Variants in G3BP1 observed in about 807,000 individuals in gnomAD.
G3BP1 encodes the protein ras GTPase-activating protein-binding protein 1.
G3BP1 carries 35 observed loss-of-function variants against 58.6 expected under a neutral mutation model. The observed-to-expected ratio is 0.60, with a 90% CI of 0.46 to 0.79. The LOEUF is 0.79. G3BP1 is among the 30% of genes least tolerant of loss of function. The probability of loss-of-function intolerance (pLI) is 0.00; values close to 1 mark genes in which losing one functional copy is unlikely to be tolerated. For missense variants in G3BP1, 523 were observed against 580.8 expected (o/e 0.90, Z 1.02); for synonymous variants, 191 against 195.4 (o/e 0.98, Z 0.19).
In G3BP1 at chr5:151,807,451, T is replaced by C. The variant is rs545046625; in HGVS notation, c.*3360T>C. 1 of 152,346 alleles carries C rather than the reference T, an allele frequency of 6.6e-6. No homozygotes were observed. The highest frequency in any genetic ancestry group is 2.1e-4 in the South Asian group (1 of 4,832). The allele number at this position is 152,346 out of a possible 1,614,324, so 9.4% of individuals were successfully genotyped here. A position where few individuals can be genotyped will look rare whatever the true frequency, so the allele number is the denominator to read the frequency against. On this transcript the variant is annotated 3_prime_UTR_variant, in exon 12 of 12. Transcript: ENST00000356245. Reference sequence around the variant, plus strand: ...GAATACATTCAGAACAAGGTTAACATTACAGTTCTTAATTTCCTTTAGGGC... The same window carrying C: ...GAATACATTCAGAACAAGGTTAACACTACAGTTCTTAATTTCCTTTAGGGC...
intron 11 of G3BP1, among the ~76,000 whole-genome samples, chr5:151,803,580 C>G (rs1762892854): frequency 6.6e-6 from 1 of 152,232 alleles, no homozygotes; most frequent in African/African-American, 2.4e-5. Flanking sequence ...GCAACCTCCG[C>G]CTCCTGGGTT....
At chr5:151,800,648 T>C in intron 10 of G3BP1, 112 bp from the exon 11 acceptor site, 1 of 719,228 alleles carries the variant, frequency 1.4e-6, no homozygotes. Context: ...ATATTTATAA[T>C]TCAAGTGCTC....
chr5:151,790,414 T>G lies in G3BP1; in HGVS notation c.177+10T>G. ...AGTCTACGGACAGAAAGTAAGCATT[T>G]CAAGCCTTATTTAGGCTGTTAAGCA... On this transcript the variant is annotated intron_variant, in intron 3 of 11. Transcript: ENST00000356245. The G allele has an allele frequency of 6.6e-7, 1 of 1,512,606 alleles. No individual in the cohort carries two copies. The highest frequency in any genetic ancestry group is 1.4e-5 in the African/African-American group (1 of 71,292). 93.7% of individuals were successfully genotyped at this position (1,512,606 alleles called of 1,614,324 possible).
chr5:151,791,915 C>G (rs948312787), intron 4 of G3BP1: 2 of 347,684 alleles, frequency 5.8e-6, no homozygotes, highest in Admixed American at 3.9e-5. Context: ...CCTCAGCCTC[C>G]GAAAGTGGGA....
At chr5:151,788,572 ATGTGTGTGTGTGTGTGTG>A (rs10634385) in intron 2 of G3BP1, among the ~76,000 whole-genome samples, 5 of 133,238 alleles carry the variant, frequency 3.8e-5, no homozygotes, top group Admixed American at 7.6e-5. Flanking sequence ...CTAAGTTTAT[ATGTGTGTGTGTGTGTGTG>A]TGTGTGTGTG....
rs747239907 is a variant in G3BP1 at position 151,806,265 on chromosome 5, ATC to A, written c.*2176_*2177del. 2.0e-5 allele frequency: 3 copies of A among 152,228 alleles called. No individual in the cohort carries two copies. The highest frequency in any genetic ancestry group is 1.3e-4 in the Admixed American group (2 of 15,290). 9.4% of individuals were successfully genotyped at this position (152,228 alleles called of 1,614,324 possible). A position where few individuals can be genotyped will look rare whatever the true frequency, so the allele number is the denominator to read the frequency against. ...ATAAATAACAAACTAGGAAATGGAAATCTGTTTCAAGAATTGCAGTAACATCT... is the reference window on the plus strand; with the variant it reads ...ATAAATAACAAACTAGGAAATGGAAATGTTTCAAGAATTGCAGTAACATCT... On this transcript the variant is annotated 3_prime_UTR_variant, in exon 12 of 12. Transcript: ENST00000356245.
At chr5:151,803,496 T>C (rs954899693) in intron 11 of G3BP1, among the ~76,000 whole-genome samples, 1 of 151,932 alleles carries the variant, frequency 6.6e-6, no homozygotes, top group African/African-American at 2.4e-5. Flanking sequence ...AATCTGCTGG[T>C]TCTTTTTTTT....
At chr5:151,781,967 A>G (rs1031940482) in intron 1 of G3BP1, among the ~76,000 whole-genome samples, 3 of 152,038 alleles carry the variant, frequency 2.0e-5, no homozygotes, top group Non-Finnish European at 4.4e-5. Context: ...CAAAAGGTAG[A>G]TACAGTTTTA....
chr5:151,800,134 G>A (rs1762826820), intron 9 of G3BP1, 84 bp from the exon 10 acceptor site: 1 of 1,371,060 alleles, frequency 7.3e-7, no homozygotes, highest in African/African-American at 1.4e-5. Flanking sequence ...TTTTAGTGTA[G>A]AGGGAAAACT....
intron 1 of G3BP1, among the ~76,000 whole-genome samples, chr5:151,783,681 A>ATT (rs1444190813): frequency 6.8e-6 from 1 of 147,182 alleles, no homozygotes; most frequent in African/African-American, 2.5e-5. Context: ...GCCAGCCCCA[A>ATT]TTTTTTTTTT....
chr5:151,790,376 A>T lies in G3BP1; in HGVS notation c.149A>T (p.Lys50Met). 6.3e-7 allele frequency: 1 copy of T among 1,586,312 alleles called. No homozygotes were observed. Among genetic ancestry groups the T allele is most frequent in the Middle Eastern group, 1.7e-4 (1 of 5,984 alleles). ...CATGGGGGATTGGATTCAAATGGAA[A>T]GCCAGCAGATGCAGTCTACGGACAG... is the stretch of plus-strand genomic sequence containing the variant. ...YVHGGLDSNG[K>M]PADAVYGQKE... The change falls in exon 3 of 12, where the codon AAG (lysine) becomes ATG (methionine). Residue 50 changes from lysine (K) to methionine (M), a missense_variant. Physicochemically the swap from Lys to Met is moderately conservative, Grantham distance 95. This residue lies in a region of G3BP1 where 398 missense variants were observed against 399.1 expected (regional missense o/e 1.00). Transcript: ENST00000356245.
chr5:151,783,424 G>A (rs1017070719), intron 1 of G3BP1, among the ~76,000 whole-genome samples: 1 of 91,638 alleles, frequency 1.1e-5, no homozygotes, highest in Non-Finnish European at 2.3e-5. Flanking sequence ...TTTTTTTTTT[G>A]TAAGGCAGAG....
Position 151,799,965 on chromosome 5 carries a change from G to T in G3BP1, c.920G>T (p.Arg307Leu). Residue 307 changes from arginine (R) to leucine (L), a missense_variant, in exon 9 of 12, where the codon CGA becomes CTA. Physicochemically the swap from Arg to Leu is moderately radical, Grantham distance 102. Around this residue, in one of 2 missense-constraint regions of G3BP1, gnomAD observed 398 missense variants for 399.1 expected, o/e 1.00. Transcript: ENST00000356245. The stretch of plus-strand genomic sequence containing the variant: ...CGGGATCAAAGAGTGCGAGAACAAC[G>T]AATAAATATTCCTCCCCAAAGGGGA... ...PQRDQRVREQ[R>L]INIPPQRGPR... 2 of 1,611,780 alleles carry T rather than the reference G, an allele frequency of 1.2e-6. No individual in the cohort carries two copies. Among genetic ancestry groups the T allele is most frequent in the South Asian group, 1.1e-5 (1 of 90,998 alleles).
chr5:151,812,366 A>G lies in G3BP1; in HGVS notation c.*8275A>G, dbSNP rs1561540794. On this transcript the variant is annotated 3_prime_UTR_variant, in exon 12 of 12. Transcript: ENST00000356245. ...TTTTACCCCTTGTGTGTCATGATAC[A>G]TTTAAGTTGGTAGCTACATTTTTGG... 1 of 152,224 alleles carries G rather than the reference A, an allele frequency of 6.6e-6. No homozygotes were observed. Among genetic ancestry groups the G allele is most frequent in the Non-Finnish European group, 1.5e-5 (1 of 68,040 alleles). 9.4% of individuals were successfully genotyped at this position (152,224 alleles called of 1,614,324 possible).
rs1174815475 is a variant in G3BP1, at chr5:151,805,638, G to T, written c.*1547G>T. ...GACCACAGTGAAGTTGGTATTACCA[G>T]TTTGGTTCCAGTTCCTCAAATATTT... On this transcript the variant is annotated 3_prime_UTR_variant, in exon 12 of 12. Transcript: ENST00000356245. The T allele has an allele frequency of 6.6e-6, 1 of 152,208 alleles. No homozygotes were observed. Among genetic ancestry groups the T allele is most frequent in the Non-Finnish European group, 1.5e-5 (1 of 68,026 alleles). 9.4% of individuals were successfully genotyped at this position (152,208 alleles called of 1,614,324 possible). A position where few individuals can be genotyped will look rare whatever the true frequency, so the allele number is the denominator to read the frequency against.
In G3BP1 at chr5:151,807,641, T is replaced by C. The variant is rs143097629; in HGVS notation, c.*3550T>C. ...GAATAATAATATTTTTATTATAGTA[T>C]AATCCAGGTGAGTTTATAGAATTTG... is the stretch of plus-strand genomic sequence containing the variant. On this transcript the variant is annotated 3_prime_UTR_variant, in exon 12 of 12. Transcript: ENST00000356245. 6.6e-6 allele frequency: 1 copy of C among 152,358 alleles called. No individual in the cohort carries two copies. The highest frequency in any genetic ancestry group is 1.9e-4 in the East Asian group (1 of 5,196). 9.4% of individuals were successfully genotyped at this position (152,358 alleles called of 1,614,324 possible).
In G3BP1 at chr5:151,812,283, C is replaced by T. The variant is rs1166275727; in HGVS notation, c.*8192C>T. ...TTAAGGTAACTTCTTGAATAATGTA[C>T]TAATGAACGATAGTGTTTCAGGAAA... On this transcript the variant is annotated 3_prime_UTR_variant, in exon 12 of 12. Coordinates refer to ENST00000356245, the MANE Select transcript of G3BP1 (RefSeq NM_005754.3). The T allele has an allele frequency of 1.3e-5, 2 of 152,136 alleles. No homozygotes were observed. Among genetic ancestry groups the T allele is most frequent in the African/African-American group, 4.8e-5 (2 of 41,432 alleles). The allele number at this position is 152,136 out of a possible 1,614,324, so 9.4% of individuals were successfully genotyped here.
At chr5:151,802,937 A>T (rs1762878286) in intron 11 of G3BP1, among the ~76,000 whole-genome samples, 1 of 152,172 alleles carries the variant, frequency 6.6e-6, no homozygotes, top group Admixed American at 6.5e-5. Flanking sequence ...CATCTCAAAA[A>T]ATAAATAAAT....
At position 151,807,603 on chromosome 5, in the gene G3BP1, C is replaced by T. The variant is rs969239985; in HGVS notation, c.*3512C>T. On this transcript the variant is annotated 3_prime_UTR_variant, in exon 12 of 12. Coordinates refer to ENST00000356245, the MANE Select transcript of G3BP1 (RefSeq NM_005754.3). ...AGGTTTGATAATTTAATGCAAACTTCAAATCTGGATGTGAATAATAATATT... is the reference window on the plus strand; with the variant it reads ...AGGTTTGATAATTTAATGCAAACTTTAAATCTGGATGTGAATAATAATATT... The T allele has an allele frequency of 1.3e-5, 2 of 152,064 alleles. No individual in the cohort carries two copies. The highest frequency in any genetic ancestry group is 2.9e-5 in the Non-Finnish European group (2 of 68,012). 9.4% of individuals were successfully genotyped at this position (152,064 alleles called of 1,614,324 possible). A position where few individuals can be genotyped will look rare whatever the true frequency, so the allele number is the denominator to read the frequency against.
Sources: gnomAD v4.1 joint callset for allele counts (sites outside exome capture counted in the v4.1 genomes callset) on GRCh38, gnomAD v4.1.1 for gene constraint, gnomAD v4.1.1 regional missense constraint, MANE v1.5 for transcripts, NCBI Gene and HGNC (gene_info 2026-07-23, HGNC 2026-07-21) for gene names.